Variants in CACNA1S observed in about 807,000 individuals in gnomAD.
CACNA1S encodes calcium voltage-gated channel subunit alpha1 S, also known as voltage-dependent L-type calcium channel subunit alpha-1S.
Under a neutral mutation model 207.4 loss-of-function variants are expected in CACNA1S, and 126 were observed. That is an observed-to-expected ratio of 0.61 (90% CI 0.53 to 0.70). The LOEUF (loss-of-function observed/expected upper bound fraction) is 0.70. Among genes scored for constraint, CACNA1S ranks in the 30% least tolerant of loss-of-function variants. The probability of loss-of-function intolerance (pLI) is 0.00; values close to 1 mark genes in which losing one functional copy is unlikely to be tolerated. For missense variants in CACNA1S, 2,349 were observed against 2,422.8 expected (o/e 0.97, Z 0.64); for synonymous variants, 960 against 932.7 (o/e 1.03, Z -0.53).
Position 201,059,140 on chromosome 1 carries a change from C to A in CACNA1S, c.3525+49G>T, listed in dbSNP as rs191611010. 5,291 of 1,231,628 alleles carry A rather than the reference C, an allele frequency of 4.3e-3. 31 individuals are homozygous for A. The highest frequency in any genetic ancestry group is 7.3e-3 in the African/African-American group (495 of 67,574). 76.3% of individuals were successfully genotyped at this position (1,231,628 alleles called of 1,614,324 possible). The stretch of plus-strand genomic sequence containing the variant: ...GGGTGGATGTTCCACTGGAAGGTCC[C>A]ACCCACCAGCCCCAGCTTCTCATCT... On this transcript the variant is annotated intron_variant, in intron 27 of 43. Transcript: ENST00000362061.
At chr1:201,108,399 A>G (rs1662979083) in intron 2 of CACNA1S, among the ~76,000 whole-genome samples, 1 of 152,216 alleles carries the variant, frequency 6.6e-6, no homozygotes, top group Non-Finnish European at 1.5e-5. Flanking sequence ...CACTGCATCC[A>G]GCAGAGGTAA....
chr1:201,082,372 C>T (rs1029286109), intron 10 of CACNA1S, among the ~76,000 whole-genome samples: 1 of 152,106 alleles, frequency 6.6e-6, no homozygotes, highest in African/African-American at 2.4e-5. Context: ...TAACACAAGG[C>T]CCCCATGAGC....
Position 201,087,849 on chromosome 1 carries a change from G to T in CACNA1S, c.981C>A (p.Asn327Lys), listed in dbSNP as rs1292388498. 5 of 1,613,208 alleles carry T rather than the reference G, an allele frequency of 3.1e-6. No individual in the cohort carries two copies. Among genetic ancestry groups the T allele is most frequent in the Non-Finnish European group, 2.5e-6 (3 of 1,179,418 alleles). ...LILLGSFFILNLVLGVLSGEF... is the reference protein window; with the variant it reads ...LILLGSFFILKLVLGVLSGEF... ...ACCCACTCAGGACACCCAGCACCAG[G>T]TTGAGGATGAAGAAGGATCCCAGCA... is the stretch of plus-strand genomic sequence containing the variant. The change falls in exon 7 of 44, where the codon AAC becomes AAA. Residue 327 changes from asparagine to lysine, a missense_variant. By Grantham distance (94) the Asn-to-Lys change is moderately conservative. Coordinates refer to ENST00000362061, the MANE Select transcript of CACNA1S (RefSeq NM_000069.3).
intron 10 of CACNA1S, among the ~76,000 whole-genome samples, chr1:201,081,354 T>C (rs1212169366): frequency 1.3e-5 from 2 of 152,266 alleles, no homozygotes; most frequent in African/African-American, 4.8e-5. Flanking sequence ...TTATGCCTTA[T>C]GCAGCAGTGT....
intron 2 of CACNA1S, among the ~76,000 whole-genome samples, chr1:201,101,612 G>T (rs12405259): frequency 2.0e-5 from 3 of 152,212 alleles, no homozygotes; most frequent in South Asian, 4.1e-4. Context: ...AGAGAGACTC[G>T]CACCTTTCAG....
At chr1:201,108,717 G>A (rs190768167) in intron 2 of CACNA1S, among the ~76,000 whole-genome samples, 1 of 152,288 alleles carries the variant, frequency 6.6e-6, no homozygotes, top group Admixed American at 6.5e-5. Flanking sequence ...ATCAGCTCAA[G>A]ATAGATTCCC....
intron 40 of CACNA1S, chr1:201,042,037 C>A (rs1207838412): frequency 1.1e-5 from 3 of 272,350 alleles, no homozygotes; most frequent in Non-Finnish European, 2.2e-5. Context: ...AGGCTGAGAA[C>A]CATTCTAGGT....
chr1:201,068,716 C>CA (rs1250336699), intron 19 of CACNA1S, among the ~76,000 whole-genome samples: 16 of 151,714 alleles, frequency 1.1e-4, no homozygotes, highest in East Asian at 4.0e-4. Context: ...GTTAAAAATA[C>CA]AAAAAATTAG....
chr1:201,057,383 C>T (rs994939608), intron 28 of CACNA1S, among the ~76,000 whole-genome samples: 3 of 152,244 alleles, frequency 2.0e-5, no homozygotes, highest in Admixed American at 2.0e-4. Flanking sequence ...GTCATATGGA[C>T]ACCACCCTCC....
chr1:201,067,671 G>A (rs890826320), intron 19 of CACNA1S, among the ~76,000 whole-genome samples: 1 of 152,090 alleles, frequency 6.6e-6, no homozygotes, highest in African/African-American at 2.4e-5. Context: ...ATCCTCTCTG[G>A]CAATGTCCCC....
intron 14 of CACNA1S, 90 bp from the exon 15 acceptor site, chr1:201,073,732 A>G: frequency 2.0e-6 from 2 of 1,021,906 alleles, no homozygotes; most frequent in South Asian, 2.5e-5. Context: ...ATCCCACACC[A>G]AGGGCTCCAG....
intron 28 of CACNA1S, among the ~76,000 whole-genome samples, chr1:201,058,017 C>A (rs528831994): frequency 6.6e-6 from 1 of 152,274 alleles, no homozygotes; most frequent in African/African-American, 2.4e-5. Context: ...CTTTGCATTT[C>A]CTGCGCTGTG....
At chr1:201,060,591 T>TGCCCTACC in intron 26 of CACNA1S, 67 bp downstream of exon 26, 1 of 1,561,144 alleles carries the variant, frequency 6.4e-7, no homozygotes, top group South Asian at 1.1e-5. Flanking sequence ...CCTGCCCTAC[T>TGCCCTACC]CATCCTGCCC....
intron 2 of CACNA1S, among the ~76,000 whole-genome samples, chr1:201,107,075 C>G (rs1054342210): frequency 4.6e-5 from 7 of 152,234 alleles, no homozygotes; most frequent in Non-Finnish European, 1.0e-4. Context: ...AGGGAGATGG[C>G]AGAAGTCAGG....
rs536154839 is a variant in CACNA1S, at chr1:201,068,997, G to A, written c.2550+140C>T. ...CCATCCAGATACTTGTGGGCCTGCC[G>A]GTGTGCTGGGTCCCATGAGTCTTTC... On this transcript the variant is annotated intron_variant, in intron 19 of 43. Transcript: ENST00000362061. The A allele has an allele frequency of 3.8e-4, 293 of 761,478 alleles. 2 individuals carry two copies. The highest frequency in any genetic ancestry group is 1.9e-3 in the South Asian group (124 of 65,680). 47.2% of individuals were successfully genotyped at this position (761,478 alleles called of 1,614,324 possible).
intron 7 of CACNA1S, 107 bp from the exon 8 acceptor site, chr1:201,085,688 CT>C: frequency 6.0e-6 from 8 of 1,339,306 alleles, no homozygotes; most frequent in African/African-American, 1.4e-5. Context: ...TGGAGCGCTC[CT>C]TTTTCTGGCC....
chr1:201,067,951 C>G (rs563814292), intron 19 of CACNA1S, among the ~76,000 whole-genome samples: 3 of 152,314 alleles, frequency 2.0e-5, no homozygotes, highest in Non-Finnish European at 4.4e-5. Context: ...TGTGAATGTG[C>G]ACGCGGGGGC....
intron 2 of CACNA1S, among the ~76,000 whole-genome samples, chr1:201,109,293 G>T (rs1164302974): frequency 6.6e-6 from 1 of 151,614 alleles, no homozygotes; most frequent in Non-Finnish European, 1.5e-5. Context: ...CAAGCTGGAG[G>T]CCCTACCACA....
chr1:201,110,337 G>T, intron 1 of CACNA1S, 68 bp from the exon 2 acceptor site: 1 of 1,336,008 alleles, frequency 7.5e-7, no homozygotes. Flanking sequence ...GGATGAGGGC[G>T]CTGAGGGTCA....
Sources: allele counts gnomAD v4.1 joint callset (sites outside exome capture counted in the v4.1 genomes callset), GRCh38; gene constraint gnomAD v4.1.1; transcripts MANE v1.5; gene names NCBI Gene and HGNC (gene_info 2026-07-23, HGNC 2026-07-21).